The following SH3BP4 variants were observed in gnomAD, a reference collection of about 807,000 sequenced individuals.
SH3BP4 encodes the protein SH3 domain binding protein 4.
Under a neutral mutation model 65.5 loss-of-function variants are expected in SH3BP4, and 33 were observed. The ratio of observed to expected loss-of-function variants is 0.50; its 90% CI spans 0.38 to 0.67. The LOEUF (loss-of-function observed/expected upper bound fraction) is 0.67. Among genes scored for constraint, SH3BP4 ranks in the 30% least tolerant of loss-of-function variants. SH3BP4 has a pLI of 0.00. For missense variants in SH3BP4, 1,134 were observed against 1,261.4 expected, an observed-to-expected ratio of 0.90 and a Z score of 1.53; for synonymous variants, 552 against 545.5, an observed-to-expected ratio of 1.01 and a Z score of -0.17.
At chr2:234,959,787 G>A (rs955212829) in intron 1 of SH3BP4, among the ~76,000 whole-genome samples, 1 of 151,916 alleles carries the variant, frequency 6.6e-6, no homozygotes, top group African/African-American at 2.4e-5. Flanking sequence ...AAGTAGCTGG[G>A]ATTACAGGCG....
rs745606404 is a variant in SH3BP4, at chr2:235,053,701, A to C, written c.2777A>C (p.Asn926Thr). The stretch of plus-strand genomic sequence containing the variant: ...CACCTGGGCCTGGACAAGATGAAAA[A>C]CCCCATCACCAAGCGCTGGAAGCAC... ...ELHLGLDKMK[N>T]PITKRWKHLT... The change falls in exon 6 of 6, where the codon AAC becomes ACC. Residue 926 changes from asparagine (N) to threonine (T), a missense_variant. Asn to Thr is a moderately conservative substitution (Grantham distance 65). Coordinates refer to ENST00000392011, the MANE Select transcript of SH3BP4 (RefSeq NM_014521.3). 6.2e-7 allele frequency: 1 copy of C among 1,613,348 alleles called. No homozygotes were observed.
rs2106335886 is a variant in SH3BP4 at position 235,042,997 on chromosome 2, A to G, written c.2228A>G (p.Gln743Arg). 3.1e-6 allele frequency: 5 copies of G among 1,610,648 alleles called. No homozygotes were observed. The highest frequency in any genetic ancestry group is 4.2e-6 in the Non-Finnish European group (5 of 1,177,566). ...CTGAGCACCTCGGTGCTGCTGGAGC[A>G]GATCCTGCGGCCCTGCAAATTCCTC... Reference protein sequence around the residue: ...PELSTSVLLEQILRPCKFLTY... With the variant: ...PELSTSVLLERILRPCKFLTY... The change falls in exon 4 of 6, where the codon CAG (glutamine) becomes CGG (arginine). Residue 743 changes from glutamine (Q) to arginine (R), a missense_variant. Transcript: ENST00000392011. This position sits in a 1 kb window ranked among gnomAD's most constrained non-coding sequence, Gnocchi z 7.3.
chr2:235,048,033 TGTG>T (rs929608264), intron 4 of SH3BP4, among the ~76,000 whole-genome samples: 4 of 151,988 alleles, frequency 2.6e-5, no homozygotes, highest in East Asian at 3.9e-4. Context: ...GAAAGACTGG[TGTG>T]GTGTGAAGGG....
In SH3BP4 at chr2:235,043,142, G is replaced by A. The variant is rs200861708; in HGVS notation, c.2373G>A (p.Leu791=). The stretch of plus-strand genomic sequence containing the variant: ...TCACCTTTTTCTGCCGGGCAGAGCT[G>A]GATAGTGAGCCCGAGCGGGTGGCGT... The part of the protein sequence containing the change: ...LPLTFFCRAE[L]DSEPERVASV... The change falls in exon 4 of 6, where the codon CTG becomes CTA. Residue 791 remains leucine (L), a synonymous_variant. Coordinates refer to ENST00000392011, the MANE Select transcript of SH3BP4 (RefSeq NM_014521.3). The A allele has an allele frequency of 1.9e-6, 3 of 1,613,238 alleles. No homozygotes were observed. Among genetic ancestry groups the A allele is most frequent in the Non-Finnish European group, 2.5e-6 (3 of 1,179,676 alleles).
At chr2:234,953,404 CTGAGCTCCAAAGTT>C (rs1204090003) in intron 1 of SH3BP4, among the ~76,000 whole-genome samples, 1 of 152,186 alleles carries the variant, frequency 6.6e-6, no homozygotes, top group Admixed American at 6.5e-5. Context: ...GTGACCGTCT[CTGAGCTCCAAAGTT>C]TGGGTTTTTT....
In SH3BP4 at chr2:235,052,840, C is replaced by G; in HGVS notation, c.2667+90C>G. 1 of 1,280,290 alleles carries G rather than the reference C, an allele frequency of 7.8e-7. No homozygotes were observed. Among genetic ancestry groups the G allele is most frequent in the Non-Finnish European group, 1.1e-6 (1 of 944,122 alleles). 79.3% of individuals were successfully genotyped at this position (1,280,290 alleles called of 1,614,324 possible). On this transcript the variant is annotated intron_variant, in intron 5 of 5. Transcript: ENST00000392011. This position sits in a 1 kb window ranked among gnomAD's most constrained non-coding sequence, Gnocchi z 5.0. ...AGTGCAGCCATAAAAAGTCTTGCCTCGCGGCATTTCTGTGAGGGTGCAACA... is the reference window on the plus strand; with the variant it reads ...AGTGCAGCCATAAAAAGTCTTGCCTGGCGGCATTTCTGTGAGGGTGCAACA...
chr2:234,954,009 A>T (rs2106236315), intron 1 of SH3BP4, among the ~76,000 whole-genome samples: 1 of 151,936 alleles, frequency 6.6e-6, no homozygotes, highest in Middle Eastern at 3.4e-3. Context: ...GGTCTGTGGA[A>T]TGCCCGGGCC....
intron 1 of SH3BP4, among the ~76,000 whole-genome samples, chr2:234,962,004 C>A (rs1462478986): frequency 1.3e-5 from 2 of 152,024 alleles, no homozygotes; most frequent in African/African-American, 4.8e-5. Flanking sequence ...GGCCCCTGTG[C>A]CTTTGTTTGC....
At chr2:235,053,193 G>A (rs1249193420) in intron 5 of SH3BP4, among the ~76,000 whole-genome samples, 1 of 152,168 alleles carries the variant, frequency 6.6e-6, no homozygotes, top group Non-Finnish European at 1.5e-5. Context: ...GTTTGTGGAG[G>A]GCACCCTAGT....
chr2:235,048,989 G>A (rs1160280646), intron 4 of SH3BP4, among the ~76,000 whole-genome samples: 1 of 152,212 alleles, frequency 6.6e-6, no homozygotes, highest in Non-Finnish European at 1.5e-5. Flanking sequence ...CTATTGCTAA[G>A]AATTGGTTGG....
intron 1 of SH3BP4, among the ~76,000 whole-genome samples, chr2:234,969,484 G>A (rs1559226422): frequency 6.6e-6 from 1 of 152,164 alleles, no homozygotes; most frequent in African/African-American, 2.4e-5. Flanking sequence ...CCATTCATTC[G>A]TTGATTCTCT....
In SH3BP4 at chr2:235,054,375, G is replaced by C. The variant is rs887005278; in HGVS notation, c.*559G>C. 1 of 153,372 alleles carries C rather than the reference G, an allele frequency of 6.5e-6. No homozygotes were observed. Among genetic ancestry groups the C allele is most frequent in the African/African-American group, 2.4e-5 (1 of 41,428 alleles). 9.5% of individuals were successfully genotyped at this position (153,372 alleles called of 1,614,324 possible). A position where few individuals can be genotyped will look rare whatever the true frequency, so the allele number is the denominator to read the frequency against. ...GGAAAAAGTGGCTTTTCAGTAAACG[G>C]GTACAGCTCATTCTTTCTGAGAAGG... On this transcript the variant is annotated 3_prime_UTR_variant, in exon 6 of 6. Transcript: ENST00000392011.
At chr2:234,969,299 G>A (rs1188804285) in intron 1 of SH3BP4, among the ~76,000 whole-genome samples, 1 of 152,132 alleles carries the variant, frequency 6.6e-6, no homozygotes, top group Non-Finnish European at 1.5e-5. Flanking sequence ...GGTGGCTTTG[G>A]GGAACGGTAG....
chr2:234,965,473 C>T (rs148313163), intron 1 of SH3BP4, among the ~76,000 whole-genome samples: 44 of 152,362 alleles, frequency 2.9e-4, no homozygotes, highest in African/African-American at 1.1e-3. Context: ...TGGCTAATCC[C>T]ATCTCTTCTG....
chr2:234,985,880 T>C (rs972425652), intron 1 of SH3BP4, among the ~76,000 whole-genome samples: 6 of 151,488 alleles, frequency 4.0e-5, no homozygotes, highest in African/African-American at 1.2e-4. Context: ...TCAGGGTCCA[T>C]GTGCAGGTGA....
At position 234,976,193 on chromosome 2, in the gene SH3BP4, G is replaced by A. The variant is rs534335177; in HGVS notation, c.-206-19110G>A. Among the ~76,000 whole-genome samples, 16 of 152,284 alleles carry A rather than the reference G, an allele frequency of 1.1e-4. No individual in the cohort carries two copies. The highest frequency in any genetic ancestry group is 8.5e-4 in the Admixed American group (13 of 15,304). On this transcript the variant is annotated intron_variant, in intron 1 of 5. Transcript: ENST00000392011. The surrounding 1 kb of genome is among the most constrained non-coding windows in gnomAD (Gnocchi z 4.7). ...GATTCCCCATCTACCCATGAAGAGC[G>A]GCTCCTGCGGGGTGGCCCGGGTTAC...
chr2:235,035,858 G>GTC lies in SH3BP4; in HGVS notation c.118+745_118+746dup, dbSNP rs942030203. Among the ~76,000 whole-genome samples, 1 of 152,200 alleles carries GTC rather than the reference G, an allele frequency of 6.6e-6. No homozygotes were observed. The highest frequency in any genetic ancestry group is 1.5e-5 in the Non-Finnish European group (1 of 68,036). On this transcript the variant is annotated intron_variant, in intron 3 of 5. Coordinates refer to ENST00000392011, the MANE Select transcript of SH3BP4 (RefSeq NM_014521.3). The surrounding 1 kb of genome is among the most constrained non-coding windows in gnomAD (Gnocchi z 5.0). ...TCTGCCCTAACCTAGGCCACGTTCA[G>GTC]TCTCTCTCACATGCTCCTTTGGGGC...
At chr2:234,954,817 G>A (rs1232882316) in intron 1 of SH3BP4, among the ~76,000 whole-genome samples, 1 of 152,122 alleles carries the variant, frequency 6.6e-6, no homozygotes, top group African/African-American at 2.4e-5. Flanking sequence ...GGAGGTGTGT[G>A]TGCTTTCTTT....
rs1172039801 is a variant in SH3BP4, at chr2:235,053,829, C to A, written c.*13C>A. 1 of 1,599,670 alleles carries A rather than the reference C, an allele frequency of 6.3e-7. No homozygotes were observed. Among genetic ancestry groups the A allele is most frequent in the Non-Finnish European group, 8.6e-7 (1 of 1,166,980 alleles). On this transcript the variant is annotated 3_prime_UTR_variant, in exon 6 of 6. Coordinates refer to ENST00000392011, the MANE Select transcript of SH3BP4 (RefSeq NM_014521.3). The stretch of plus-strand genomic sequence containing the variant: ...CTTCGTGATTTGAATGGGTCCCCTC[C>A]CCTCCTGCTGCTCTGGAGTGCAAGC...
Sources: allele counts gnomAD v4.1 joint callset (sites outside exome capture counted in the v4.1 genomes callset), GRCh38; gene constraint gnomAD v4.1.1; non-coding constraint Gnocchi (gnomAD v3.1); transcripts MANE v1.5; gene names NCBI Gene and HGNC (gene_info 2026-07-23, HGNC 2026-07-21).